Variants in MAN2A1 observed in about 807,000 individuals in gnomAD.
MAN2A1 encodes mannosidase alpha class 2A member 1.
Under a neutral mutation model 142.6 loss-of-function variants are expected in MAN2A1, and 76 were observed. The observed-to-expected ratio is 0.53, with a 90% CI of 0.44 to 0.65. The LOEUF (loss-of-function observed/expected upper bound fraction) is 0.65. Among genes scored for constraint, MAN2A1 ranks in the 30% least tolerant of loss-of-function variants. The pLI, the probability that MAN2A1 is intolerant of heterozygous loss-of-function variation, is 0.00. For missense variants in MAN2A1, 1,311 were observed against 1,365.1 expected (o/e 0.96, Z 0.62); for synonymous variants, 559 against 473.2 (o/e 1.18, Z -2.35).
chr5:109,741,094 TCTCA>T (rs1250652487), intron 4 of MAN2A1, among the ~76,000 whole-genome samples: 7 of 152,304 alleles, frequency 4.6e-5, no homozygotes, highest in African/African-American at 1.2e-4. Context: ...CTCAGATTTG[TCTCA>T]CTCAGATTCC....
At chr5:109,789,116 A>G in intron 11 of MAN2A1, 68 bp downstream of exon 11, 1 of 776,456 alleles carries the variant, frequency 1.3e-6, no homozygotes, top group Non-Finnish European at 2.1e-6. Context: ...AGCAAAGAGG[A>G]TGAGAAGCTT....
intron 7 of MAN2A1, 70 bp downstream of exon 7, chr5:109,770,611 G>T: frequency 1.4e-6 from 2 of 1,405,220 alleles, no homozygotes; most frequent in Non-Finnish European, 9.9e-7. Flanking sequence ...GTTGCTGAAG[G>T]GTTGAACAAA....
Position 109,793,392 on chromosome 5 carries a change from T to C in MAN2A1, c.1943+3865T>C, listed in dbSNP as rs185856605. 2.2e-4 allele frequency among the ~76,000 whole-genome samples: 34 copies of C among 152,288 alleles called. No homozygotes were observed. The East Asian group carries it at 6.4e-3, about 29-fold the overall frequency. On this transcript the variant is annotated intron_variant, in intron 12 of 21. Coordinates refer to ENST00000261483, the MANE Select transcript of MAN2A1 (RefSeq NM_002372.4). ...TTCTAGCATCATGCCTGTGGTATTATATGCAACATAGCAAGAGTAATTACA... is the reference window on the plus strand; with the variant it reads ...TTCTAGCATCATGCCTGTGGTATTACATGCAACATAGCAAGAGTAATTACA...
chr5:109,844,050 C>T (rs1179343101), intron 17 of MAN2A1, among the ~76,000 whole-genome samples: 1 of 152,146 alleles, frequency 6.6e-6, no homozygotes, highest in East Asian at 1.9e-4. Flanking sequence ...GTTAATTCGA[C>T]TACAGCCATT....
Position 109,804,073 on chromosome 5 carries a change from C to G in MAN2A1, c.1944-13200C>G, listed in dbSNP as rs549365842. The stretch of plus-strand genomic sequence containing the variant: ...AGCTAATTATTAACCCAAAGCAGTT[C>G]AGAACATAGACTAAAGTGATGTGGC... On this transcript the variant is annotated intron_variant, in intron 12 of 21. Coordinates refer to ENST00000261483, the MANE Select transcript of MAN2A1 (RefSeq NM_002372.4). The G allele has an allele frequency of 1.6e-4, 100 of 638,606 alleles. No homozygotes were observed. The African/African-American group carries it at 1.8e-3, about 12-fold the overall frequency. The allele number at this position is 638,606 out of a possible 1,614,324, so 39.6% of individuals were successfully genotyped here. A position where few individuals can be genotyped will look rare whatever the true frequency, so the allele number is the denominator to read the frequency against.
At chr5:109,764,491 C>T (rs940046202) in intron 5 of MAN2A1, among the ~76,000 whole-genome samples, 6 of 152,118 alleles carry the variant, frequency 3.9e-5, no homozygotes, top group Admixed American at 3.3e-4. Context: ...TTGCCCCTTA[C>T]CCTCCTTTTA....
intron 3 of MAN2A1, among the ~76,000 whole-genome samples, chr5:109,718,659 C>CA (rs1192679936): frequency 2.0e-5 from 3 of 152,194 alleles, no homozygotes; most frequent in Non-Finnish European, 4.4e-5. Flanking sequence ...AAAGCCCCTC[C>CA]ACCACATACT....
intron 4 of MAN2A1, among the ~76,000 whole-genome samples, chr5:109,742,470 T>G (rs1162870383): frequency 6.6e-6 from 1 of 152,232 alleles, no homozygotes; most frequent in African/African-American, 2.4e-5. Context: ...AGGTTTATAT[T>G]TAAGTGAACC....
intron 7 of MAN2A1, among the ~76,000 whole-genome samples, chr5:109,770,791 A>G (rs1325821504): frequency 6.6e-6 from 1 of 152,178 alleles, no homozygotes; most frequent in African/African-American, 2.4e-5. Flanking sequence ...CACTATTATT[A>G]CCATCTCCTT....
At chr5:109,692,896 A>ATC (rs1750712545) in intron 1 of MAN2A1, among the ~76,000 whole-genome samples, 1 of 152,078 alleles carries the variant, frequency 6.6e-6, no homozygotes. Flanking sequence ...TGCAGCCTAG[A>ATC]TCCCTGGCAT....
chr5:109,840,458 C>T (rs1304809349), intron 16 of MAN2A1: 2 of 478,332 alleles, frequency 4.2e-6, no homozygotes, highest in South Asian at 3.2e-5. Context: ...TTTGCTGCAA[C>T]CACTGAAGTC....
At chr5:109,721,945 C>T (rs892463446) in intron 3 of MAN2A1, among the ~76,000 whole-genome samples, 11 of 152,306 alleles carry the variant, frequency 7.2e-5, no homozygotes, top group African/African-American at 2.4e-4. Context: ...TTACTCCTTT[C>T]AGCAACTTCA....
intron 7 of MAN2A1, among the ~76,000 whole-genome samples, chr5:109,774,234 A>G (rs1348397604): frequency 1.3e-5 from 2 of 152,136 alleles, no homozygotes; most frequent in Non-Finnish European, 1.5e-5. Flanking sequence ...TTTTTTCTTT[A>G]GAAGAGGAAA....
chr5:109,814,473 C>A (rs1406856941), intron 12 of MAN2A1, among the ~76,000 whole-genome samples: 2 of 152,072 alleles, frequency 1.3e-5, no homozygotes, highest in Non-Finnish European at 2.9e-5. Flanking sequence ...GATAGGAGTT[C>A]GTGTGTCAGA....
chr5:109,798,230 A>G (rs1449233687), intron 12 of MAN2A1, among the ~76,000 whole-genome samples: 1 of 152,240 alleles, frequency 6.6e-6, no homozygotes, highest in East Asian at 1.9e-4. Flanking sequence ...GCAGGAGCAT[A>G]TAGGAGATCC....
intron 12 of MAN2A1, among the ~76,000 whole-genome samples, chr5:109,807,357 TAATA>T (rs1754193133): frequency 6.6e-6 from 1 of 152,220 alleles, no homozygotes; most frequent in Non-Finnish European, 1.5e-5. Flanking sequence ...GTTGCTGCTA[TAATA>T]AATTACCAAC....
chr5:109,772,520 C>A (rs1582881949), intron 7 of MAN2A1, among the ~76,000 whole-genome samples: 1 of 152,076 alleles, frequency 6.6e-6, no homozygotes, highest in Non-Finnish European at 1.5e-5. Context: ...AAGCTCCCCA[C>A]TTTTTTTGAG....
At chr5:109,740,036 A>G (rs1427335448) in intron 4 of MAN2A1, among the ~76,000 whole-genome samples, 1 of 152,224 alleles carries the variant, frequency 6.6e-6, no homozygotes, top group Non-Finnish European at 1.5e-5. Flanking sequence ...TGTTCCCTGC[A>G]GCATGATTTC....
chr5:109,737,581 G>T (rs967298602), intron 4 of MAN2A1, among the ~76,000 whole-genome samples: 4 of 151,630 alleles, frequency 2.6e-5, no homozygotes, highest in Non-Finnish European at 2.9e-5. Flanking sequence ...TTTTATCTTC[G>T]TACAGTCAGT....
Sources: allele counts gnomAD v4.1 joint callset (sites outside exome capture counted in the v4.1 genomes callset), GRCh38; gene constraint gnomAD v4.1.1; transcripts MANE v1.5; gene names NCBI Gene and HGNC (gene_info 2026-07-23, HGNC 2026-07-21).